The following ZNF362 variants were observed in gnomAD, a reference collection of about 807,000 sequenced individuals.
ZNF362 encodes the protein rotund homolog.
In ZNF362, 11 loss-of-function variants were observed where a neutral mutation model predicts 42.9. The observed-to-expected ratio is 0.26, with a 90% CI of 0.16 to 0.42. The LOEUF is 0.42. ZNF362 is among the 20% of genes least tolerant of loss of function. ZNF362 has a pLI of 1.00. For synonymous variants in ZNF362, 255 were observed against 257.3 expected (o/e 0.99, Z 0.09); for missense variants, 362 against 576.2 (o/e 0.63, Z 3.81).
the ZNF362 span, chr1:33,145,261 A>G: frequency 6.6e-6 from 1 of 152,060 alleles, no homozygotes; most frequent in Non-Finnish European, 1.5e-5. Context: ...CTGAACCTCA[A>G]TTTTCCTCCT....
chr1:33,283,891 T>C (rs1348144029), intron 6 of ZNF362, among the ~76,000 whole-genome samples: 1 of 152,234 alleles, frequency 6.6e-6, no homozygotes, highest in Non-Finnish European at 1.5e-5. Context: ...CAGAGATGTA[T>C]GTAACAAGGT....
At chr1:33,155,817 G>T in the ZNF362 span, among the ~76,000 whole-genome samples, 7 of 152,172 alleles carry the variant, frequency 4.6e-5, no homozygotes, top group East Asian at 1.9e-4. Context: ...CTGCCCTTGG[G>T]GGGGATCTGT....
At chr1:33,128,116 C>A in the ZNF362 span, among the ~76,000 whole-genome samples, 1 of 151,034 alleles carries the variant, frequency 6.6e-6, no homozygotes, top group Non-Finnish European at 1.5e-5. Flanking sequence ...GTAATCCCAG[C>A]ACTTTGGGAG....
At chr1:33,144,126 A>G in the ZNF362 span, among the ~76,000 whole-genome samples, 4 of 104,134 alleles carry the variant, frequency 3.8e-5, no homozygotes, top group Admixed American at 2.4e-4. Context: ...TTCCGCTTTA[A>G]TGTTACTTCT....
chr1:33,145,182 T>C, the ZNF362 span, among the ~76,000 whole-genome samples: 2 of 152,176 alleles, frequency 1.3e-5, no homozygotes, highest in African/African-American at 2.4e-5. Context: ...TGGTAAGTTT[T>C]TGGACAGGTT....
At chr1:33,296,945 C>T (rs1365988633) in intron 8 of ZNF362, among the ~76,000 whole-genome samples, 1 of 151,628 alleles carries the variant, frequency 6.6e-6, no homozygotes, top group Non-Finnish European at 1.5e-5. Context: ...GCTGGGGCTA[C>T]AGGTGTGCAC....
the ZNF362 span, among the ~76,000 whole-genome samples, chr1:33,193,004 C>CATATATAT: frequency 2.9e-5 from 4 of 137,202 alleles, no homozygotes; most frequent in African/African-American, 7.8e-5. Flanking sequence ...CACACACACA[C>CATATATAT]ATATATATAT....
intron 6 of ZNF362, among the ~76,000 whole-genome samples, chr1:33,291,019 G>A (rs1238724069): frequency 6.6e-6 from 1 of 152,272 alleles, no homozygotes; most frequent in East Asian, 1.9e-4. Flanking sequence ...TAGGTTGCCT[G>A]TTCACTCTGA....
At chr1:33,251,288 G>A in the ZNF362 span, among the ~76,000 whole-genome samples, 2 of 152,198 alleles carry the variant, frequency 1.3e-5, no homozygotes, top group Non-Finnish European at 2.9e-5. Context: ...TGAGTCACCT[G>A]GACACCTCCT....
the ZNF362 span, among the ~76,000 whole-genome samples, chr1:33,209,878 C>T: frequency 6.6e-6 from 1 of 152,052 alleles, no homozygotes; most frequent in Admixed American, 6.5e-5. Flanking sequence ...AAACCAGCTC[C>T]TGGATTCATT....
At chr1:33,218,225 G>C in the ZNF362 span, among the ~76,000 whole-genome samples, 1 of 152,132 alleles carries the variant, frequency 6.6e-6, no homozygotes, top group Non-Finnish European at 1.5e-5. Flanking sequence ...AGGATCACTC[G>C]AGTTCAGGAG....
chr1:33,297,442 A>G (rs116614985), intron 8 of ZNF362, among the ~76,000 whole-genome samples: 96 of 152,018 alleles, frequency 6.3e-4, no homozygotes, highest in African/African-American at 2.2e-3. Flanking sequence ...CAGATACTCA[A>G]ATACCCGTTC....
At chr1:33,296,673 T>C (rs1646126803) in intron 8 of ZNF362, among the ~76,000 whole-genome samples, 1 of 152,064 alleles carries the variant, frequency 6.6e-6, no homozygotes, top group African/African-American at 2.4e-5. Context: ...AGGCGAACAC[T>C]GAGTGCGAAC....
the ZNF362 span, among the ~76,000 whole-genome samples, chr1:33,130,370 C>T: frequency 6.6e-6 from 1 of 152,224 alleles, no homozygotes; most frequent in Non-Finnish European, 1.5e-5. Context: ...ATTACAAAAA[C>T]TCCCTGTGGC....
chr1:33,200,262 G>A, the ZNF362 span: 2 of 151,628 alleles, frequency 1.3e-5, no homozygotes, highest in East Asian at 3.9e-4. Flanking sequence ...GGAGTTAGAG[G>A]TTACATTACA....
At chr1:33,272,912 C>T (rs1479051846) in intron 2 of ZNF362, among the ~76,000 whole-genome samples, 1 of 152,268 alleles carries the variant, frequency 6.6e-6, no homozygotes, top group Non-Finnish European at 1.5e-5. Flanking sequence ...GAAGCTGTGA[C>T]CTCTTCCAGG....
At chr1:33,226,244 C>A in the ZNF362 span, among the ~76,000 whole-genome samples, 3 of 152,154 alleles carry the variant, frequency 2.0e-5, no homozygotes, top group Non-Finnish European at 4.4e-5. Flanking sequence ...TTTGTTGTCC[C>A]ATTTTGCAGA....
At chr1:33,275,283 T>C in intron 2 of ZNF362, 1 of 985,388 alleles carries the variant, frequency 1.0e-6, no homozygotes, top group African/African-American at 1.7e-5. Context: ...ACTGCCCTGG[T>C]TGAAAAGGCC....
chr1:33,182,162 A>AC, the ZNF362 span: 2 of 150,714 alleles, frequency 1.3e-5, no homozygotes, highest in African/African-American at 4.9e-5. Flanking sequence ...CAGCCGGTTG[A>AC]CCCCGCCCCA....
Sources: gnomAD v4.1 joint callset for allele counts (sites outside exome capture counted in the v4.1 genomes callset) on GRCh38, gnomAD v4.1.1 for gene constraint, MANE v1.5 for transcripts, NCBI Gene and HGNC (gene_info 2026-07-23, HGNC 2026-07-21) for gene names.